Variants in GRHL2 observed in about 807,000 individuals in gnomAD.
GRHL2 encodes grainyhead like transcription factor 2.
GRHL2 carries 21 observed loss-of-function variants against 83.8 expected under a neutral mutation model. That is an observed-to-expected ratio of 0.25 (90% CI 0.18 to 0.36). GRHL2 has a LOEUF of 0.36. GRHL2 is among the 10% of genes least tolerant of loss of function. GRHL2 has a pLI of 1.00. For missense variants in GRHL2, 623 were observed against 781.8 expected, an observed-to-expected ratio of 0.80 and a Z score of 2.42; for synonymous variants, 280 against 278.9, an observed-to-expected ratio of 1.00 and a Z score of -0.04.
intron 7 of GRHL2, among the ~76,000 whole-genome samples, chr8:101,596,329 G>A (rs1812390690): frequency 6.6e-6 from 1 of 152,122 alleles, no homozygotes; most frequent in Non-Finnish European, 1.5e-5. Flanking sequence ...CGCTGTTACT[G>A]TGAACGTCAA....
chr8:101,495,403 ATGT>A (rs1398692283), intron 1 of GRHL2, among the ~76,000 whole-genome samples: 1 of 152,116 alleles, frequency 6.6e-6, no homozygotes, highest in African/African-American at 2.4e-5. Context: ...TCTGCTTTTG[ATGT>A]TCTGCAGTGT....
chr8:101,636,724 T>TACACACACACACACACACAC (rs3029438), intron 11 of GRHL2, 173 bp from the exon 12 acceptor site: 2 of 461,778 alleles, frequency 4.3e-6, no homozygotes, highest in Admixed American at 3.2e-5. Flanking sequence ...TCCTTAGAAA[T>TACACACACACACACACACAC]ACACACACAC....
intron 1 of GRHL2, among the ~76,000 whole-genome samples, chr8:101,496,165 A>AT (rs397932641): frequency 2.3e-4 from 34 of 150,470 alleles, no homozygotes; most frequent in South Asian, 1.3e-3. Flanking sequence ...AAAAAAAAAA[A>AT]TACAGGTCAT....
intron 5 of GRHL2, 69 bp downstream of exon 5, chr8:101,570,463 A>T: frequency 8.0e-7 from 1 of 1,255,526 alleles, no homozygotes; most frequent in Non-Finnish European, 1.2e-6. Flanking sequence ...CCTTCGAGTT[A>T]TACCTTTAAA....
chr8:101,578,494 A>G (rs1174265401), intron 7 of GRHL2, among the ~76,000 whole-genome samples: 1 of 152,248 alleles, frequency 6.6e-6, no homozygotes, highest in Non-Finnish European at 1.5e-5. Context: ...AACCTCTGAG[A>G]TGCAGAGCAA....
intron 4 of GRHL2, among the ~76,000 whole-genome samples, chr8:101,565,506 G>A (rs1811699395): frequency 6.6e-6 from 1 of 152,114 alleles, no homozygotes. Flanking sequence ...CTTCCAATTA[G>A]TGACTCAGGA....
intron 1 of GRHL2, among the ~76,000 whole-genome samples, chr8:101,533,363 T>C (rs1028903423): frequency 1.3e-5 from 2 of 152,238 alleles, no homozygotes; most frequent in African/African-American, 4.8e-5. Flanking sequence ...TATTAATATT[T>C]TAAGCCATAA....
At chr8:101,536,239 G>A (rs1405884210) in intron 1 of GRHL2, among the ~76,000 whole-genome samples, 1 of 152,150 alleles carries the variant, frequency 6.6e-6, no homozygotes, top group Non-Finnish European at 1.5e-5. Context: ...TGGACTTGAT[G>A]TTATAGGCAG....
At chr8:101,643,677 C>T (rs575545410) in intron 12 of GRHL2, among the ~76,000 whole-genome samples, 2 of 152,370 alleles carry the variant, frequency 1.3e-5, no homozygotes, top group East Asian at 3.9e-4. Flanking sequence ...GTCAGGCTCA[C>T]AGCATTTCCA....
In GRHL2 at chr8:101,505,590, A is replaced by C. The variant is rs574780756; in HGVS notation, c.20+12801A>C. Among the ~76,000 whole-genome samples, 6 of 151,580 alleles carry C rather than the reference A, an allele frequency of 4.0e-5. No homozygotes were observed. In the East Asian group the frequency reaches 9.7e-4, roughly 24 times the overall value. ...GAAACTCTGTCTCAAAAAAAAAAAA[A>C]AAAAAAACAGTGTAAATAAAGGCAC... On this transcript the variant is annotated intron_variant, in intron 1 of 15. Coordinates refer to ENST00000646743, the MANE Select transcript of GRHL2 (RefSeq NM_024915.4).
In GRHL2 at chr8:101,668,870, C is replaced by G. The variant is rs1231723248; in HGVS notation, c.*2167C>G. ...AGGCAACCTACCCCTCTCTCTCCAG[C>G]CTCTTTATGAAACTGTTTGTTTGCC... On this transcript the variant is annotated 3_prime_UTR_variant, in exon 16 of 16. Coordinates refer to ENST00000646743, the MANE Select transcript of GRHL2 (RefSeq NM_024915.4). 1 of 152,252 alleles carries G rather than the reference C, an allele frequency of 6.6e-6. No individual in the cohort carries two copies. The highest frequency in any genetic ancestry group is 1.5e-5 in the Non-Finnish European group (1 of 68,054). The allele number at this position is 152,252 out of a possible 1,614,324, so 9.4% of individuals were successfully genotyped here. A position where few individuals can be genotyped will look rare whatever the true frequency, so the allele number is the denominator to read the frequency against.
chr8:101,594,884 A>C (rs1812359943), intron 7 of GRHL2, among the ~76,000 whole-genome samples: 1 of 152,216 alleles, frequency 6.6e-6, no homozygotes, highest in African/African-American at 2.4e-5. Flanking sequence ...ACTAATGAGA[A>C]ATGTTGGTGA....
At chr8:101,642,062 C>T (rs1342802082) in intron 12 of GRHL2, among the ~76,000 whole-genome samples, 1 of 152,150 alleles carries the variant, frequency 6.6e-6, no homozygotes, top group Non-Finnish European at 1.5e-5. Flanking sequence ...GTGAAACCCA[C>T]AGCTACAGAG....
At chr8:101,560,514 G>A (rs1010210929) in intron 4 of GRHL2, among the ~76,000 whole-genome samples, 4 of 152,092 alleles carry the variant, frequency 2.6e-5, no homozygotes, top group South Asian at 2.1e-4. Flanking sequence ...CATTTCTCTC[G>A]GGTAAATACC....
At chr8:101,524,790 C>A (rs1231276150) in intron 1 of GRHL2, among the ~76,000 whole-genome samples, 1 of 151,598 alleles carries the variant, frequency 6.6e-6, no homozygotes, top group Non-Finnish European at 1.5e-5. Flanking sequence ...AAAAATAATA[C>A]TGGCTTTAAA....
chr8:101,518,334 G>T (rs955795016), intron 1 of GRHL2, among the ~76,000 whole-genome samples: 12 of 152,116 alleles, frequency 7.9e-5, no homozygotes, highest in African/African-American at 2.7e-4. Flanking sequence ...ATCACTTGAG[G>T]CCTGGAGATC....
At chr8:101,654,675 C>T (rs900857596) in intron 14 of GRHL2, among the ~76,000 whole-genome samples, 1 of 152,150 alleles carries the variant, frequency 6.6e-6, no homozygotes, top group African/African-American at 2.4e-5. Context: ...TTCCGAGCAA[C>T]TTAGGATTGA....
chr8:101,509,984 T>A (rs866711750), intron 1 of GRHL2, among the ~76,000 whole-genome samples: 1 of 152,046 alleles, frequency 6.6e-6, no homozygotes, highest in African/African-American at 2.4e-5. Context: ...TATTGCATAT[T>A]TTTATTTATT....
chr8:101,530,662 T>C (rs1317965046), intron 1 of GRHL2, among the ~76,000 whole-genome samples: 2 of 152,204 alleles, frequency 1.3e-5, no homozygotes, highest in Admixed American at 6.5e-5. Context: ...TCAATAAATA[T>C]GTGTTGCCTG....
Sources: allele counts gnomAD v4.1 joint callset (sites outside exome capture counted in the v4.1 genomes callset), GRCh38; gene constraint gnomAD v4.1.1; transcripts MANE v1.5; gene names NCBI Gene and HGNC (gene_info 2026-07-23, HGNC 2026-07-21).